BCKDHB: variants seen among roughly 807,000 people sequenced by gnomAD.
The protein encoded by BCKDHB is branched chain keto acid dehydrogenase E1 subunit beta.
In BCKDHB, 41 loss-of-function variants were observed where a neutral mutation model predicts 48.5. The ratio of observed to expected loss-of-function variants is 0.85; its 90% CI spans 0.66 to 1.10. BCKDHB has a LOEUF of 1.10. Among genes scored for constraint, BCKDHB ranks in the 50% least tolerant of loss-of-function variants. The pLI, the probability that BCKDHB is intolerant of heterozygous loss-of-function variation, is 0.00. For synonymous variants in BCKDHB, 201 were observed against 174.8 expected (o/e 1.15, Z -1.18); for missense variants, 496 against 494.2 (o/e 1.00, Z -0.03).
At chr6:80,352,139 T>TTTG in the BCKDHB span, among the ~76,000 whole-genome samples, 1 of 123,042 alleles carries the variant, frequency 8.1e-6, no homozygotes. Flanking sequence ...TTTTCTTCTT[T>TTTG]TTGTTGTTGT....
intron 6 of BCKDHB, among the ~76,000 whole-genome samples, chr6:80,179,307 C>T (rs936107949): frequency 2.6e-5 from 4 of 152,004 alleles, no homozygotes; most frequent in Admixed American, 1.3e-4. Flanking sequence ...ATACAGTTGG[C>T]GCTTTTTATC....
chr6:80,452,969 C>T, the BCKDHB span, among the ~76,000 whole-genome samples: 2 of 152,120 alleles, frequency 1.3e-5, no homozygotes, highest in African/African-American at 2.4e-5. Context: ...ACAAGAGAAA[C>T]ATGCATAGAT....
chr6:80,319,169 A>AT (rs1239882993), intron 9 of BCKDHB, among the ~76,000 whole-genome samples: 1 of 152,134 alleles, frequency 6.6e-6, no homozygotes, highest in Non-Finnish European at 1.5e-5. Flanking sequence ...TGCTTGTGGA[A>AT]TTTTTTATGT....
At chr6:80,301,606 ACT>A (rs1374178289) in intron 9 of BCKDHB, among the ~76,000 whole-genome samples, 1 of 152,140 alleles carries the variant, frequency 6.6e-6, no homozygotes, top group East Asian at 1.9e-4. Flanking sequence ...TCCTACTGAA[ACT>A]CTGCTTAAAA....
intron 1 of BCKDHB, among the ~76,000 whole-genome samples, chr6:80,118,793 A>G (rs1468688508): frequency 6.6e-6 from 1 of 151,694 alleles, no homozygotes; most frequent in East Asian, 1.9e-4. Context: ...TTTTGAATTC[A>G]TAGAAAGTAA....
chr6:80,264,251 A>G (rs987922776), intron 8 of BCKDHB, among the ~76,000 whole-genome samples: 2 of 152,160 alleles, frequency 1.3e-5, no homozygotes, highest in African/African-American at 2.4e-5. Flanking sequence ...CTTCCCCAGT[A>G]TTAGCACATG....
rs1337981048 is a variant in BCKDHB at position 80,273,130 on chromosome 6, T to G, written c.952-5T>G. The G allele has an allele frequency of 6.2e-7, 1 of 1,611,860 alleles. No individual in the cohort carries two copies. The highest frequency in any genetic ancestry group is 8.5e-7 in the Non-Finnish European group (1 of 1,178,374). ...TTAACATCAGGTTTTTCTTTTCTCT[T>G]TCAGTCTGTGATCAAAACAGGGCGA... On this transcript the variant is annotated splice_region_variant and splice_polypyrimidine_tract_variant and intron_variant, in intron 8 of 9. Transcript: ENST00000320393.
intron 8 of BCKDHB, among the ~76,000 whole-genome samples, chr6:80,243,385 AAT>A (rs1434711378): frequency 6.6e-6 from 1 of 152,234 alleles, no homozygotes; most frequent in Non-Finnish European, 1.5e-5. Flanking sequence ...CTGATGAGGT[AAT>A]AGAAAGCTGA....
At chr6:80,356,934 T>A in the BCKDHB span, 1 of 58,418 alleles carries the variant, frequency 1.7e-5, no homozygotes, top group African/African-American at 6.6e-5. Flanking sequence ...TCTCTCTCTC[T>A]CCCCCGCCCC....
rs1232306560 is a variant in BCKDHB at position 80,344,074 on chromosome 6, C to T, written c.*270C>T. The T allele has an allele frequency of 1.1e-5, 5 of 445,372 alleles. No homozygotes were observed. The highest frequency in any genetic ancestry group is 4.8e-5 in the East Asian group (1 of 20,720). 27.6% of individuals were successfully genotyped at this position (445,372 alleles called of 1,614,324 possible). ...AGACTGCAGTGGTGCAATCTCAGCTCACTGCAACCTCCCCCCTACCCCTGA... is the reference window on the plus strand; with the variant it reads ...AGACTGCAGTGGTGCAATCTCAGCTTACTGCAACCTCCCCCCTACCCCTGA... On this transcript the variant is annotated 3_prime_UTR_variant, in exon 10 of 10. Coordinates refer to ENST00000320393, the MANE Select transcript of BCKDHB (RefSeq NM_183050.4).
At chr6:80,239,779 G>A (rs193252847) in intron 8 of BCKDHB, among the ~76,000 whole-genome samples, 12 of 152,220 alleles carry the variant, frequency 7.9e-5, no homozygotes, top group Middle Eastern at 3.4e-3. Context: ...TAATTTTTGT[G>A]TAAGATGTAA....
At chr6:80,429,200 C>T in the BCKDHB span, among the ~76,000 whole-genome samples, 2 of 152,124 alleles carry the variant, frequency 1.3e-5, no homozygotes, top group Non-Finnish European at 2.9e-5. Context: ...GGTGTTATTT[C>T]TGAGGCTTCT....
At chr6:80,151,613 A>T (rs1376569254) in intron 3 of BCKDHB, among the ~76,000 whole-genome samples, 1 of 152,134 alleles carries the variant, frequency 6.6e-6, no homozygotes, top group Admixed American at 6.6e-5. Context: ...CTGATTCTTC[A>T]TTCTCTTGAG....
At chr6:80,435,106 C>G in the BCKDHB span, among the ~76,000 whole-genome samples, 1 of 152,142 alleles carries the variant, frequency 6.6e-6, no homozygotes, top group Admixed American at 6.5e-5. Context: ...AGGCAGCAAA[C>G]TGGAGCAATT....
intron 1 of BCKDHB, among the ~76,000 whole-genome samples, chr6:80,107,349 AAT>A (rs1414234950): frequency 1.4e-4 from 20 of 145,808 alleles, no homozygotes; most frequent in Admixed American, 3.4e-4. Context: ...TTATATATAA[AAT>A]ATATATATGT....
intron 9 of BCKDHB, among the ~76,000 whole-genome samples, chr6:80,278,402 A>G (rs905129817): frequency 6.6e-6 from 1 of 152,188 alleles, no homozygotes; most frequent in Non-Finnish European, 1.5e-5. Flanking sequence ...ACCAAAGTCT[A>G]AATCACTCTG....
At chr6:80,147,246 C>T (rs1436397469) in intron 3 of BCKDHB, among the ~76,000 whole-genome samples, 3 of 152,112 alleles carry the variant, frequency 2.0e-5, no homozygotes, top group Non-Finnish European at 4.4e-5. Flanking sequence ...GAAACCAGGC[C>T]TGAGACCTCA....
the BCKDHB span, among the ~76,000 whole-genome samples, chr6:80,445,718 T>C: frequency 1.3e-5 from 2 of 152,160 alleles, no homozygotes; most frequent in South Asian, 4.1e-4. Context: ...CCTTATCTGC[T>C]CCTGGCAACA....
chr6:80,400,113 A>T, the BCKDHB span, among the ~76,000 whole-genome samples: 1 of 152,208 alleles, frequency 6.6e-6, no homozygotes, highest in East Asian at 1.9e-4. Context: ...AATAAAACCT[A>T]AAACAATAAA....
Sources: allele counts gnomAD v4.1 joint callset (sites outside exome capture counted in the v4.1 genomes callset), GRCh38; gene constraint gnomAD v4.1.1; transcripts MANE v1.5; gene names NCBI Gene and HGNC (gene_info 2026-07-23, HGNC 2026-07-21).